The following PTPRD variants were observed in gnomAD, a reference collection of about 807,000 sequenced individuals.
PTPRD encodes protein tyrosine phosphatase receptor type D, also known as receptor-type tyrosine-protein phosphatase delta.
PTPRD carries 34 observed loss-of-function variants against 214.5 expected under a neutral mutation model. The observed-to-expected ratio is 0.16, with a 90% CI of 0.12 to 0.21. PTPRD has a LOEUF of 0.21. PTPRD is among the 10% of genes least tolerant of loss of function. PTPRD has a pLI of 1.00. For missense variants in PTPRD, 2,545 were observed against 2,398.7 expected, an observed-to-expected ratio of 1.06 and a Z score of -1.27; for synonymous variants, 1,128 against 845.7, an observed-to-expected ratio of 1.33 and a Z score of -5.79.
intron 3 of PTPRD, among the ~76,000 whole-genome samples, chr9:10,193,024 C>A (rs2099377983): frequency 6.6e-6 from 1 of 152,006 alleles, no homozygotes; most frequent in Non-Finnish European, 1.5e-5. Context: ...CCAAATTTCC[C>A]TTATTACAGT....
chr9:10,546,645 G>A (rs2060236021), intron 2 of PTPRD, among the ~76,000 whole-genome samples: 1 of 151,974 alleles, frequency 6.6e-6, no homozygotes, highest in African/African-American at 2.4e-5. Flanking sequence ...GCCTTTCTAG[G>A]AGAGGATCCA....
intron 14 of PTPRD, among the ~76,000 whole-genome samples, chr9:8,545,842 G>C (rs1210499691): frequency 6.6e-6 from 1 of 152,120 alleles, no homozygotes; most frequent in Non-Finnish European, 1.5e-5. Flanking sequence ...CATACTTTAT[G>C]GTATAAATTG....
At chr9:10,072,474 C>G (rs1196017215) in intron 3 of PTPRD, among the ~76,000 whole-genome samples, 1 of 151,990 alleles carries the variant, frequency 6.6e-6, no homozygotes, top group Non-Finnish European at 1.5e-5. Flanking sequence ...AGAGCAGCAA[C>G]AAGATTTATT....
At chr9:9,432,505 C>T (rs766033897) in intron 8 of PTPRD, among the ~76,000 whole-genome samples, 1 of 152,134 alleles carries the variant, frequency 6.6e-6, no homozygotes, top group Non-Finnish European at 1.5e-5. Context: ...ATTGATCCAA[C>T]AAGAAATAGC....
chr9:9,833,736 G>A (rs924589223), intron 5 of PTPRD, among the ~76,000 whole-genome samples: 5 of 151,000 alleles, frequency 3.3e-5, no homozygotes, highest in South Asian at 2.1e-4. Context: ...TCTCAGGGAC[G>A]TTCCATGCTG....
At chr9:10,516,263 A>C (rs983066774) in intron 2 of PTPRD, among the ~76,000 whole-genome samples, 1 of 151,860 alleles carries the variant, frequency 6.6e-6, no homozygotes, top group African/African-American at 2.4e-5. Flanking sequence ...AATAATAGTC[A>C]TCCTAACTGG....
intron 10 of PTPRD, among the ~76,000 whole-genome samples, chr9:9,100,063 T>A (rs768310716): frequency 6.6e-6 from 1 of 152,180 alleles, no homozygotes; most frequent in African/African-American, 2.4e-5. Context: ...CTTTTTGTGA[T>A]GATTATAATT....
intron 8 of PTPRD, among the ~76,000 whole-genome samples, chr9:9,548,617 T>A (rs1375515271): frequency 1.3e-5 from 2 of 151,800 alleles, no homozygotes; most frequent in South Asian, 4.2e-4. Flanking sequence ...CAGGCTGGTC[T>A]CAAAGAGATA....
At chr9:9,887,936 T>C (rs1318014685) in intron 5 of PTPRD, among the ~76,000 whole-genome samples, 1 of 152,010 alleles carries the variant, frequency 6.6e-6, no homozygotes, top group South Asian at 2.1e-4. Flanking sequence ...GATAATACAC[T>C]CACATGAAAA....
chr9:8,730,839 C>T (rs1256841377), intron 12 of PTPRD, among the ~76,000 whole-genome samples: 1 of 152,194 alleles, frequency 6.6e-6, no homozygotes, highest in Non-Finnish European at 1.5e-5. Flanking sequence ...CTTACTCATG[C>T]TGCTCGAACA....
intron 10 of PTPRD, among the ~76,000 whole-genome samples, chr9:9,155,240 A>G (rs1453480867): frequency 6.6e-6 from 1 of 152,178 alleles, no homozygotes; most frequent in East Asian, 1.9e-4. Flanking sequence ...TCTAGTAACT[A>G]GATTTTTTAA....
At chr9:9,341,049 G>A (rs1294477038) in intron 9 of PTPRD, among the ~76,000 whole-genome samples, 1 of 151,880 alleles carries the variant, frequency 6.6e-6, no homozygotes, top group Non-Finnish European at 1.5e-5. Context: ...TGTTTTTAAG[G>A]AAATACATTA....
rs1350950377 is a variant in PTPRD, at chr9:9,143,959, T to C, written c.-143+39345A>G. ...GATCATTCATCCAGAGATGTTTAGG[T>C]ATTTTCCCCCTTCTAGGAGCAGATG... On this transcript the variant is annotated intron_variant, in intron 10 of 45. Transcript: ENST00000381196. Among the ~76,000 whole-genome samples the C allele has an allele frequency of 3.3e-5, 5 of 152,208 alleles. No homozygotes were observed. The East Asian group carries it at 9.6e-4, about 29-fold the overall frequency.
intron 3 of PTPRD, among the ~76,000 whole-genome samples, chr9:10,121,212 A>G (rs760333615): frequency 1.3e-5 from 2 of 152,162 alleles, no homozygotes; most frequent in Non-Finnish European, 2.9e-5. Context: ...AAATATGCCA[A>G]ATTTATAGAG....
intron 9 of PTPRD, among the ~76,000 whole-genome samples, chr9:9,311,861 G>C (rs1315245821): frequency 2.0e-5 from 3 of 152,086 alleles, no homozygotes; most frequent in Non-Finnish European, 4.4e-5. Flanking sequence ...AAAATAGAAT[G>C]TTTAAAGCAA....
chr9:9,043,694 A>G (rs1207161530), intron 10 of PTPRD, among the ~76,000 whole-genome samples: 1 of 152,082 alleles, frequency 6.6e-6, no homozygotes, highest in Non-Finnish European at 1.5e-5. Context: ...ACGTGAGGCC[A>G]GATGTTTGAC....
intron 14 of PTPRD, among the ~76,000 whole-genome samples, chr9:8,571,822 T>A (rs2091232721): frequency 6.6e-6 from 1 of 152,100 alleles, no homozygotes; most frequent in Non-Finnish European, 1.5e-5. Context: ...AAATTGCCCA[T>A]TATCTCCAAG....
intron 2 of PTPRD, among the ~76,000 whole-genome samples, chr9:10,606,355 C>A (rs1434802283): frequency 6.6e-6 from 1 of 151,886 alleles, no homozygotes; most frequent in South Asian, 2.1e-4. Flanking sequence ...TCCTTTTCCA[C>A]TGAGTAGAAT....
intron 3 of PTPRD, among the ~76,000 whole-genome samples, chr9:10,275,054 A>G (rs1271506719): frequency 2.6e-5 from 4 of 152,182 alleles, no homozygotes; most frequent in Non-Finnish European, 4.4e-5. Flanking sequence ...TCAGGGCACT[A>G]GTTTTCACAT....
Sources: gnomAD v4.1 joint callset for allele counts (sites outside exome capture counted in the v4.1 genomes callset) on GRCh38, gnomAD v4.1.1 for gene constraint, MANE v1.5 for transcripts, NCBI Gene and HGNC (gene_info 2026-07-23, HGNC 2026-07-21) for gene names.